Variants in ZDHHC3 observed in about 807,000 individuals in gnomAD.
The protein encoded by ZDHHC3 is palmitoyltransferase ZDHHC3.
ZDHHC3 carries 9 observed loss-of-function variants against 30.6 expected under a neutral mutation model. The ratio of observed to expected loss-of-function variants is 0.29; its 90% CI spans 0.18 to 0.51. The LOEUF (loss-of-function observed/expected upper bound fraction) is 0.51. Ranked by LOEUF, ZDHHC3 falls within the 20% of genes least tolerant of loss-of-function variation. The pLI is 0.97. For synonymous variants in ZDHHC3, 136 were observed against 140.2 expected, an observed-to-expected ratio of 0.97 and a Z score of 0.21; for missense variants, 246 against 384.2, an observed-to-expected ratio of 0.64 and a Z score of 3.01.
chr3:44,938,013 T>C, intron 3 of ZDHHC3: 1 of 393,136 alleles, frequency 2.5e-6, no homozygotes, highest in South Asian at 1.9e-5. Flanking sequence ...AGACAGAGTC[T>C]CGCTCTGTTG....
intron 2 of ZDHHC3, among the ~76,000 whole-genome samples, chr3:44,950,193 C>A (rs1237988713): frequency 2.0e-5 from 3 of 152,064 alleles, no homozygotes; most frequent in African/African-American, 7.3e-5. Flanking sequence ...GATCCTAAAA[C>A]CAGAAAACCA....
At chr3:44,965,621 A>C (rs889431187) in intron 1 of ZDHHC3, among the ~76,000 whole-genome samples, 6 of 152,154 alleles carry the variant, frequency 3.9e-5, no homozygotes, top group Non-Finnish European at 8.8e-5. Flanking sequence ...TGGCAAAAAA[A>C]CCCAAAACAA....
intron 1 of ZDHHC3, among the ~76,000 whole-genome samples, chr3:44,961,821 A>C (rs1704505128): frequency 6.6e-6 from 1 of 152,240 alleles, no homozygotes; most frequent in Non-Finnish European, 1.5e-5. Context: ...TAAGCTCAAA[A>C]ACAATAATGT....
intron 3 of ZDHHC3, chr3:44,937,812 A>G (rs1300294793): frequency 7.0e-6 from 3 of 427,726 alleles, no homozygotes; most frequent in Non-Finnish European, 1.4e-5. Flanking sequence ...TGGTGATGAC[A>G]TTGCCAAAGC....
At chr3:44,930,294 T>C (rs1285535114) in intron 5 of ZDHHC3, among the ~76,000 whole-genome samples, 4 of 152,188 alleles carry the variant, frequency 2.6e-5, no homozygotes, top group African/African-American at 7.2e-5. Context: ...GCAAAGGTGC[T>C]GTGGAGATGG....
chr3:44,918,265 T>C lies in ZDHHC3; in HGVS notation c.*8424A>G. On this transcript the variant is annotated 3_prime_UTR_variant, in exon 7 of 7. Coordinates refer to ENST00000424952, the MANE Select transcript of ZDHHC3 (RefSeq NM_001135179.2). ...GGGGGCGGGGTGTCCACGGCATGGG[T>C]AAGATGGGGTCTGAGTGGGCAGTCT... 2 of 1,202,334 alleles carry C rather than the reference T, an allele frequency of 1.7e-6. No homozygotes were observed. Among genetic ancestry groups the C allele is most frequent in the South Asian group, 3.0e-5 (2 of 67,298 alleles). The allele number at this position is 1,202,334 out of a possible 1,614,324, so 74.5% of individuals were successfully genotyped here.
At chr3:44,927,048 T>C (rs1701051376) in intron 6 of ZDHHC3, among the ~76,000 whole-genome samples, 1 of 152,174 alleles carries the variant, frequency 6.6e-6, no homozygotes, top group South Asian at 2.1e-4. Context: ...CACAAGTCCC[T>C]CCAAGAAGGG....
chr3:44,918,852 G>A lies in ZDHHC3; in HGVS notation c.*7837C>T. 1 of 987,128 alleles carries A rather than the reference G, an allele frequency of 1.0e-6. No individual in the cohort carries two copies. The highest frequency in any genetic ancestry group is 1.2e-6 in the Non-Finnish European group (1 of 831,148). 61.1% of individuals were successfully genotyped at this position (987,128 alleles called of 1,614,324 possible). A position where few individuals can be genotyped will look rare whatever the true frequency, so the allele number is the denominator to read the frequency against. On this transcript the variant is annotated 3_prime_UTR_variant, in exon 7 of 7. Coordinates refer to ENST00000424952, the MANE Select transcript of ZDHHC3 (RefSeq NM_001135179.2). ...GGCCACAGAAAGGGTGTTGGGGTGG[G>A]GAGATGCCCAGAGGAGGTAAAGACA...
chr3:44,954,975 T>C (rs1210241859), intron 2 of ZDHHC3, among the ~76,000 whole-genome samples: 1 of 152,218 alleles, frequency 6.6e-6, no homozygotes, highest in Non-Finnish European at 1.5e-5. Flanking sequence ...TCAGGACACA[T>C]GGAGCCATTC....
chr3:44,958,631 T>C (rs1180866319), intron 2 of ZDHHC3: 1 of 1,536,142 alleles, frequency 6.5e-7, no homozygotes, highest in Non-Finnish European at 8.7e-7. Context: ...GTCCAGCTTT[T>C]CAGGAAAAGA....
intron 6 of ZDHHC3, 22 bp downstream of exon 6, chr3:44,929,284 G>A (rs758113115): frequency 1.2e-6 from 2 of 1,612,482 alleles, no homozygotes; most frequent in South Asian, 2.2e-5. Flanking sequence ...TGTGGAAATG[G>A]TGGGCAGAGC....
In ZDHHC3 at chr3:44,917,876, T is replaced by G. The variant is rs1385196228; in HGVS notation, c.*8813A>C. 1 of 1,296,812 alleles carries G rather than the reference T, an allele frequency of 7.7e-7. No homozygotes were observed. Among genetic ancestry groups the G allele is most frequent in the East Asian group, 5.6e-5 (1 of 17,998 alleles). The allele number at this position is 1,296,812 out of a possible 1,614,324, so 80.3% of individuals were successfully genotyped here. A position where few individuals can be genotyped will look rare whatever the true frequency, so the allele number is the denominator to read the frequency against. ...TTGACAGCACTTTTTAGTGTTTGCT[T>G]CTCTCCCCACAGCAGCATCTATTCA... is the stretch of plus-strand genomic sequence containing the variant. On this transcript the variant is annotated 3_prime_UTR_variant, in exon 7 of 7. Transcript: ENST00000424952.
chr3:44,916,675 A>G lies in ZDHHC3; in HGVS notation c.*10014T>C, dbSNP rs1700192488. The G allele has an allele frequency of 6.6e-6, 1 of 151,940 alleles. No individual in the cohort carries two copies. The highest frequency in any genetic ancestry group is 1.5e-5 in the Non-Finnish European group (1 of 67,976). 9.4% of individuals were successfully genotyped at this position (151,940 alleles called of 1,614,324 possible). On this transcript the variant is annotated 3_prime_UTR_variant, in exon 7 of 7. Transcript: ENST00000424952. ...CTTCTTATACCAAACGGGGATAAGA[A>G]CCCTTCTGTTGGGCTTTGTGCAGAA...
chr3:44,920,736 T>C lies in ZDHHC3; in HGVS notation c.*5953A>G, dbSNP rs1377646990. ...AGCCCACAGGATGATTATTTGCCAT[T>C]CATGTGGCATGCTCCCAGATAGGCA... On this transcript the variant is annotated 3_prime_UTR_variant, in exon 7 of 7. Transcript: ENST00000424952. The C allele has an allele frequency of 1.0e-6, 1 of 985,268 alleles. No homozygotes were observed. Among genetic ancestry groups the C allele is most frequent in the Non-Finnish European group, 1.2e-6 (1 of 829,936 alleles). 61.0% of individuals were successfully genotyped at this position (985,268 alleles called of 1,614,324 possible).
In ZDHHC3 at chr3:44,921,767, G is replaced by T. The variant is rs531403139; in HGVS notation, c.*4922C>A. 29 of 975,254 alleles carry T rather than the reference G, an allele frequency of 3.0e-5. No homozygotes were observed. The highest frequency in any genetic ancestry group is 3.5e-5 in the Non-Finnish European group (29 of 820,714). The allele number at this position is 975,254 out of a possible 1,614,324, so 60.4% of individuals were successfully genotyped here. A position where few individuals can be genotyped will look rare whatever the true frequency, so the allele number is the denominator to read the frequency against. On this transcript the variant is annotated 3_prime_UTR_variant, in exon 7 of 7. Coordinates refer to ENST00000424952, the MANE Select transcript of ZDHHC3 (RefSeq NM_001135179.2). ...GCTCAAGGTCATATTTTGGTAGTAG[G>T]TGCGGTAATAAGTAGCCAAGCAGAC...
intron 5 of ZDHHC3, among the ~76,000 whole-genome samples, chr3:44,931,854 A>G (rs1377904367): frequency 1.3e-5 from 2 of 152,224 alleles, no homozygotes; most frequent in Non-Finnish European, 2.9e-5. Flanking sequence ...TGTCATCTGC[A>G]AAGTGGGAAG....
Position 44,915,400 on chromosome 3 carries a change from G to T in ZDHHC3, c.*11289C>A, listed in dbSNP as rs1700093973. ...TAAGCAGAATGTTATGCTGTGAATG[G>T]TCACCACAGAGAGACCACTGTGTTG... On this transcript the variant is annotated 3_prime_UTR_variant, in exon 7 of 7. Transcript: ENST00000424952. The T allele has an allele frequency of 6.6e-6, 1 of 152,236 alleles. No homozygotes were observed. Among genetic ancestry groups the T allele is most frequent in the Non-Finnish European group, 1.5e-5 (1 of 68,082 alleles). The allele number at this position is 152,236 out of a possible 1,614,324, so 9.4% of individuals were successfully genotyped here.
rs922261742 is a variant in ZDHHC3 at position 44,924,508 on chromosome 3, G to A, written c.*2181C>T. 6 of 985,232 alleles carry A rather than the reference G, an allele frequency of 6.1e-6. No individual in the cohort carries two copies. In the African/African-American group the frequency reaches 1.0e-4, roughly 17 times the overall value. The allele number at this position is 985,232 out of a possible 1,614,324, so 61.0% of individuals were successfully genotyped here. A position where few individuals can be genotyped will look rare whatever the true frequency, so the allele number is the denominator to read the frequency against. The stretch of plus-strand genomic sequence containing the variant: ...ATATCTGAAGGAACCCCACTCTATT[G>A]GAAAGATAAGCATAGTATGCACAGC... On this transcript the variant is annotated 3_prime_UTR_variant, in exon 7 of 7. Coordinates refer to ENST00000424952, the MANE Select transcript of ZDHHC3 (RefSeq NM_001135179.2).
chr3:44,922,773 A>C lies in ZDHHC3; in HGVS notation c.*3916T>G. 8 of 984,926 alleles carry C rather than the reference A, an allele frequency of 8.1e-6. No individual in the cohort carries two copies. The highest frequency in any genetic ancestry group is 9.6e-6 in the Non-Finnish European group (8 of 829,498). 61.0% of individuals were successfully genotyped at this position (984,926 alleles called of 1,614,324 possible). A position where few individuals can be genotyped will look rare whatever the true frequency, so the allele number is the denominator to read the frequency against. On this transcript the variant is annotated 3_prime_UTR_variant, in exon 7 of 7. Transcript: ENST00000424952. ...CGGTAGCCTGGGGTGGGGACCGAGA[A>C]TGTGCATTTCTAACAAGTTCTCAGG...
Sources: gnomAD v4.1 joint callset for allele counts (sites outside exome capture counted in the v4.1 genomes callset) on GRCh38, gnomAD v4.1.1 for gene constraint, MANE v1.5 for transcripts, NCBI Gene and HGNC (gene_info 2026-07-23, HGNC 2026-07-21) for gene names.